SHTN1: variants seen among roughly 807,000 people sequenced by gnomAD.
SHTN1 encodes shootin-1.
SHTN1 carries 42 observed loss-of-function variants against 83.1 expected under a neutral mutation model. The ratio of observed to expected loss-of-function variants is 0.51; its 90% CI spans 0.39 to 0.65. The LOEUF (loss-of-function observed/expected upper bound fraction) is 0.65, where lower values mean the gene tolerates loss of function less well. SHTN1 is among the 30% of genes least tolerant of loss of function. The pLI, the probability that SHTN1 is intolerant of heterozygous loss-of-function variation, is 0.00. For missense variants in SHTN1, 622 were observed against 737.8 expected (o/e 0.84, Z 1.82); for synonymous variants, 224 against 247.7 (o/e 0.90, Z 0.90).
chr10:116,947,234 G>A (rs989509806), intron 7 of SHTN1, among the ~76,000 whole-genome samples: 2 of 152,106 alleles, frequency 1.3e-5, no homozygotes, highest in African/African-American at 4.8e-5. Context: ...AGGACAGAGG[G>A]AGTGACGATA....
At chr10:116,902,012 A>T in intron 15 of SHTN1, 55 bp from the exon 16 acceptor site, 1 of 1,433,950 alleles carries the variant, frequency 7.0e-7, no homozygotes. Flanking sequence ...GCTTATTAAT[A>T]TGGTACTGAA....
chr10:116,901,533 A>G, intron 16 of SHTN1: 1 of 985,340 alleles, frequency 1.0e-6, no homozygotes, highest in Non-Finnish European at 1.2e-6. Context: ...CTGATTACCA[A>G]ACCAGTTTAG....
intron 6 of SHTN1, among the ~76,000 whole-genome samples, chr10:116,949,777 A>C (rs975541030): frequency 2.6e-5 from 4 of 152,200 alleles, no homozygotes; most frequent in Non-Finnish European, 5.9e-5. Context: ...GCTTAAATAA[A>C]ACACATATAA....
chr10:117,125,381 T>C lies in SHTN1; in HGVS notation c.-189+926A>G, dbSNP rs533285807. 2.0e-5 allele frequency among the ~76,000 whole-genome samples: 3 copies of C among 152,258 alleles called. No homozygotes were observed. In the South Asian group the frequency reaches 6.2e-4, roughly 32 times the overall value. On this transcript the variant is annotated intron_variant, in intron 1 of 17. Transcript: ENST00000392901. ...GTTAACTAACTTGTTTCTCATCCCA[T>C]CACTGATGAGACACCTACCTACTTT...
intron 1 of SHTN1, among the ~76,000 whole-genome samples, chr10:117,001,634 ATAGT>A (rs1851824806): frequency 6.6e-6 from 1 of 152,218 alleles, no homozygotes; most frequent in South Asian, 2.1e-4. Flanking sequence ...GGGTTCAAAC[ATAGT>A]TAGATACAAG....
At chr10:116,913,595 T>C (rs2133351341) in intron 13 of SHTN1, among the ~76,000 whole-genome samples, 1 of 152,348 alleles carries the variant, frequency 6.6e-6, no homozygotes, top group East Asian at 1.9e-4. Context: ...ACTTTTTTCT[T>C]TCTAAAACTA....
chr10:116,935,668 T>C lies in SHTN1; in HGVS notation c.858+4798A>G, dbSNP rs567081986. Among the ~76,000 whole-genome samples, 6 of 152,352 alleles carry C rather than the reference T, an allele frequency of 3.9e-5. No individual in the cohort carries two copies. In the South Asian group the frequency reaches 6.2e-4, roughly 16 times the overall value. On this transcript the variant is annotated intron_variant, in intron 9 of 16. Transcript: ENST00000355371. ...CTGCCAGGTTTTGGTATCAGGATGA[T>C]GCTGGCCTCATAAAATGAGTTAGGG...
intron 15 of SHTN1, among the ~76,000 whole-genome samples, chr10:116,904,464 A>G (rs1158056245): frequency 6.8e-6 from 1 of 146,724 alleles, no homozygotes; most frequent in Non-Finnish European, 1.5e-5. Context: ...TGCTTTGGCT[A>G]TTAGGAAACT....
At chr10:117,029,363 T>G (rs1852373782) in intron 2 of SHTN1, among the ~76,000 whole-genome samples, 1 of 152,238 alleles carries the variant, frequency 6.6e-6, no homozygotes, top group Non-Finnish European at 1.5e-5. Flanking sequence ...GACTTTGGGC[T>G]TTTGACTTTT....
At chr10:117,095,299 A>T (rs1006003780) in intron 1 of SHTN1, among the ~76,000 whole-genome samples, 1 of 152,216 alleles carries the variant, frequency 6.6e-6, no homozygotes, top group Non-Finnish European at 1.5e-5. Context: ...ATAACTGCTG[A>T]AGTGTGAAAA....
intron 1 of SHTN1, among the ~76,000 whole-genome samples, chr10:117,050,497 G>C (rs1852724920): frequency 6.6e-6 from 1 of 151,944 alleles, no homozygotes; most frequent in South Asian, 2.1e-4. Context: ...AAAAATCTTA[G>C]GTCAATAATC....
chr10:117,059,624 G>C (rs917358975), intron 1 of SHTN1, among the ~76,000 whole-genome samples: 1 of 152,140 alleles, frequency 6.6e-6, no homozygotes, highest in African/African-American at 2.4e-5. Context: ...ATCCCAAAAG[G>C]CTGCATACTG....
At chr10:116,892,435 A>G (rs1226077973) in intron 16 of SHTN1, among the ~76,000 whole-genome samples, 1 of 152,198 alleles carries the variant, frequency 6.6e-6, no homozygotes, top group Admixed American at 6.5e-5. Flanking sequence ...TCTGCACAAC[A>G]TTAAGTCATC....
chr10:116,987,685 G>A (rs1472405043), intron 1 of SHTN1, among the ~76,000 whole-genome samples: 1 of 152,088 alleles, frequency 6.6e-6, no homozygotes, highest in East Asian at 1.9e-4. Context: ...GGGAGGCCTT[G>A]GTGGGCGGAT....
chr10:116,972,341 T>A (rs1036837756), intron 2 of SHTN1, among the ~76,000 whole-genome samples: 8 of 152,206 alleles, frequency 5.3e-5, no homozygotes, highest in African/African-American at 1.2e-4. Flanking sequence ...TCTGTTATGC[T>A]GAAAGGGGTG....
intron 1 of SHTN1, among the ~76,000 whole-genome samples, chr10:116,983,427 G>A (rs1336665987): frequency 6.6e-6 from 1 of 152,088 alleles, no homozygotes; most frequent in African/African-American, 2.4e-5. Context: ...CAAATAAAGG[G>A]AGGAGAAAAG....
intron 1 of SHTN1, among the ~76,000 whole-genome samples, chr10:117,068,079 C>T (rs1400816029): frequency 6.6e-6 from 1 of 151,982 alleles, no homozygotes; most frequent in African/African-American, 2.4e-5. Context: ...GTCAGGCAGA[C>T]GAGAAATGGG....
intron 1 of SHTN1, among the ~76,000 whole-genome samples, chr10:117,078,283 C>T (rs527799056): frequency 6.6e-5 from 10 of 152,308 alleles, no homozygotes; most frequent in Admixed American, 4.6e-4. Flanking sequence ...CATCTGTAAG[C>T]CATCTACAAG....
At chr10:117,108,669 C>A (rs1853706794) in intron 1 of SHTN1, among the ~76,000 whole-genome samples, 1 of 151,422 alleles carries the variant, frequency 6.6e-6, no homozygotes, top group Non-Finnish European at 1.5e-5. Flanking sequence ...AACAAACCTG[C>A]ACGTTGTGCA....
Sources: allele counts gnomAD v4.1 joint callset (sites outside exome capture counted in the v4.1 genomes callset), GRCh38; gene constraint gnomAD v4.1.1; transcripts MANE v1.5; gene names NCBI Gene and HGNC (gene_info 2026-07-23, HGNC 2026-07-21).